The following ELMO1 variants were observed in gnomAD, a reference collection of about 807,000 sequenced individuals.
The protein encoded by ELMO1 is engulfment and cell motility protein 1.
ELMO1 carries 26 observed loss-of-function variants against 98.9 expected under a neutral mutation model. That is an observed-to-expected ratio of 0.26 (90% confidence interval 0.19 to 0.36). The LOEUF (loss-of-function observed/expected upper bound fraction) is 0.36, where lower values mean the gene tolerates loss of function less well. Among genes scored for constraint, ELMO1 ranks in the 10% least tolerant of loss-of-function variants. The pLI, the probability that ELMO1 is intolerant of heterozygous loss-of-function variation, is 1.00. For synonymous variants in ELMO1, 346 were observed against 346.0 expected, an observed-to-expected ratio of 1.00 and a Z score of 0.00; for missense variants, 627 against 935.2, an observed-to-expected ratio of 0.67 and a Z score of 4.30.
chr7:37,064,185 C>T (rs73688660), intron 15 of ELMO1, among the ~76,000 whole-genome samples: 6,578 of 152,176 alleles, frequency 0.043, 426 homozygotes, highest in African/African-American at 0.14. Flanking sequence ...TCTCGTGTTC[C>T]TCTAGACATC....
intron 21 of ELMO1, among the ~76,000 whole-genome samples, chr7:36,859,154 A>G (rs1443978049): frequency 6.6e-6 from 1 of 152,198 alleles, no homozygotes; most frequent in Non-Finnish European, 1.5e-5. Flanking sequence ...GAAACATGTC[A>G]ACCAACTGCA....
intron 16 of ELMO1, among the ~76,000 whole-genome samples, chr7:36,903,905 T>C (rs1002794200): frequency 3.3e-5 from 5 of 152,194 alleles, no homozygotes; most frequent in African/African-American, 9.6e-5. Flanking sequence ...CTGGGGACAG[T>C]CAGATTGGCG....
intron 15 of ELMO1, among the ~76,000 whole-genome samples, chr7:37,041,341 T>C (rs1244386235): frequency 1.3e-5 from 2 of 152,218 alleles, no homozygotes; most frequent in African/African-American, 2.4e-5. Flanking sequence ...TTATTCATCA[T>C]GGACAGACTA....
intron 8 of ELMO1, among the ~76,000 whole-genome samples, chr7:37,232,557 C>T (rs1054112318): frequency 1.3e-5 from 2 of 152,186 alleles, no homozygotes; most frequent in Non-Finnish European, 2.9e-5. Context: ...TGCTTCCTCC[C>T]AAATGAAGAA....
At chr7:37,179,048 G>GACATA (rs1033735404) in intron 13 of ELMO1, among the ~76,000 whole-genome samples, 4 of 152,146 alleles carry the variant, frequency 2.6e-5, no homozygotes, top group African/African-American at 9.7e-5. Context: ...CTTTGTGTAA[G>GACATA]ACATAATGTG....
At chr7:37,133,109 G>T (rs771694172) in intron 14 of ELMO1, 21 bp downstream of exon 14, 1 of 1,586,698 alleles carries the variant, frequency 6.3e-7, no homozygotes, top group Non-Finnish European at 8.6e-7. Context: ...CACAATATCT[G>T]AAAAGGGGCT....
intron 1 of ELMO1, among the ~76,000 whole-genome samples, chr7:37,390,246 G>GGAACCCAA (rs1445570882): frequency 6.6e-6 from 1 of 152,210 alleles, no homozygotes; most frequent in African/African-American, 2.4e-5. Context: ...TAACTGAGCA[G>GGAACCCAA]GAACCCAAGA....
At chr7:37,341,201 G>C (rs1800698573) in intron 2 of ELMO1, among the ~76,000 whole-genome samples, 1 of 152,138 alleles carries the variant, frequency 6.6e-6, no homozygotes, top group African/African-American at 2.4e-5. Context: ...CAAGACAGAG[G>C]GCCCCAGTGC....
intron 16 of ELMO1, among the ~76,000 whole-genome samples, chr7:36,999,548 C>T (rs1792487388): frequency 6.6e-6 from 1 of 152,162 alleles, no homozygotes; most frequent in Non-Finnish European, 1.5e-5. Context: ...GACTTTACTA[C>T]AACTTATTAT....
At chr7:37,113,356 G>A (rs1785368076) in intron 14 of ELMO1, among the ~76,000 whole-genome samples, 1 of 152,216 alleles carries the variant, frequency 6.6e-6, no homozygotes, top group Non-Finnish European at 1.5e-5. Context: ...GAGGTTTGCT[G>A]GCTAGTAAGG....
intron 16 of ELMO1, among the ~76,000 whole-genome samples, chr7:36,980,617 C>T (rs887071511): frequency 1.3e-5 from 2 of 152,198 alleles, no homozygotes; most frequent in East Asian, 3.8e-4. Flanking sequence ...TCCTGTATTT[C>T]TAGAATATCA....
intron 14 of ELMO1, among the ~76,000 whole-genome samples, chr7:37,125,749 A>G (rs1466660277): frequency 2.6e-5 from 4 of 152,344 alleles, no homozygotes; most frequent in African/African-American, 7.2e-5. Context: ...TGATTCCTCA[A>G]GAATCGAGAA....
chr7:37,014,971 C>T (rs1045302962), intron 15 of ELMO1, among the ~76,000 whole-genome samples: 3 of 152,076 alleles, frequency 2.0e-5, no homozygotes, highest in African/African-American at 7.2e-5. Flanking sequence ...GAAACACACT[C>T]AAGGATACAC....
chr7:37,146,464 G>A (rs1787995401), intron 13 of ELMO1, among the ~76,000 whole-genome samples: 1 of 152,138 alleles, frequency 6.6e-6, no homozygotes, highest in Non-Finnish European at 1.5e-5. Context: ...GTGTTGGATT[G>A]GGCAGTGACT....
At chr7:37,018,745 G>A (rs1044699995) in intron 15 of ELMO1, among the ~76,000 whole-genome samples, 3 of 152,188 alleles carry the variant, frequency 2.0e-5, no homozygotes, top group African/African-American at 4.8e-5. Flanking sequence ...GCAAAGTGCT[G>A]CGATTACAGG....
At chr7:37,088,126 C>T (rs1783883846) in intron 15 of ELMO1, among the ~76,000 whole-genome samples, 1 of 152,154 alleles carries the variant, frequency 6.6e-6, no homozygotes, top group Admixed American at 6.5e-5. Flanking sequence ...GGAATGGATG[C>T]TGATTGGGGC....
intron 20 of ELMO1, among the ~76,000 whole-genome samples, chr7:36,863,301 C>T (rs535064881): frequency 2.6e-5 from 4 of 152,212 alleles, no homozygotes; most frequent in Admixed American, 6.5e-5. Flanking sequence ...AAAGGAAGGG[C>T]GCCGAAACAA....
At chr7:37,379,602 T>A (rs1201567391) in intron 1 of ELMO1, among the ~76,000 whole-genome samples, 1 of 152,202 alleles carries the variant, frequency 6.6e-6, no homozygotes, top group Non-Finnish European at 1.5e-5. Context: ...TAACTTGTGA[T>A]CTGAGAGATC....
chr7:37,122,412 C>A (rs1786127365), intron 14 of ELMO1, among the ~76,000 whole-genome samples: 2 of 152,132 alleles, frequency 1.3e-5, no homozygotes, highest in African/African-American at 4.8e-5. Flanking sequence ...CAGAGACACA[C>A]ACACACTCAA....
Sources: allele counts gnomAD v4.1 joint callset (sites outside exome capture counted in the v4.1 genomes callset), GRCh38; gene constraint gnomAD v4.1.1; transcripts MANE v1.5; gene names NCBI Gene and HGNC (gene_info 2026-07-23, HGNC 2026-07-21).